The following SAMD5 variants were observed in gnomAD, a reference collection of about 807,000 sequenced individuals.
The protein encoded by SAMD5 is sterile alpha motif domain containing 5, also known as sterile alpha motif domain-containing protein 5.
A neutral mutation model predicts 11.3 loss-of-function variants in SAMD5; 13 were observed. The observed-to-expected ratio is 1.15, with a 90% confidence interval of 0.75 to 1.83. SAMD5 has a LOEUF of 1.83. SAMD5 is among the 40% of genes most tolerant of loss of function. The pLI, the probability that SAMD5 is intolerant of heterozygous loss-of-function variation, is 0.00. For synonymous variants in SAMD5, 129 were observed against 111.3 expected (o/e 1.16, Z -1.00); for missense variants, 255 against 239.1 (o/e 1.07, Z -0.44).
At chr6:147,634,790 A>G (rs1432108223) in intron 1 of SAMD5, among the ~76,000 whole-genome samples, 5 of 152,230 alleles carry the variant, frequency 3.3e-5, no homozygotes, top group Non-Finnish European at 7.3e-5. Flanking sequence ...GGAAAAAATG[A>G]GTTCAGCATC....
At chr6:147,916,917 T>C in the SAMD5 span, among the ~76,000 whole-genome samples, 1 of 150,614 alleles carries the variant, frequency 6.6e-6, no homozygotes, top group Non-Finnish European at 1.5e-5. Flanking sequence ...TAGTATTCCA[T>C]GGTGTATATG....
intron 1 of SAMD5, among the ~76,000 whole-genome samples, chr6:147,729,526 G>A (rs142635377): frequency 7.8e-4 from 118 of 152,118 alleles, no homozygotes; most frequent in Middle Eastern, 3.4e-3. Flanking sequence ...TATGAATCTC[G>A]AAATCTGGAC....
At chr6:147,715,371 C>T (rs1475635273) in intron 1 of SAMD5, among the ~76,000 whole-genome samples, 7 of 152,326 alleles carry the variant, frequency 4.6e-5, no homozygotes, top group Middle Eastern at 3.4e-3. Flanking sequence ...GCATGGGTGC[C>T]GGCTCCCTCT....
intron 1 of SAMD5, among the ~76,000 whole-genome samples, chr6:147,646,809 C>T (rs1285635488): frequency 1.3e-5 from 2 of 151,766 alleles, no homozygotes; most frequent in Admixed American, 1.3e-4. Flanking sequence ...ACACTGTGCT[C>T]TTAAAGCAAG....
chr6:147,666,524 G>GT (rs1044225262), intron 1 of SAMD5, among the ~76,000 whole-genome samples: 30 of 152,034 alleles, frequency 2.0e-4, no homozygotes, highest in African/African-American at 7.2e-4. Flanking sequence ...TCCTTCTCTA[G>GT]TTTCTTAAAC....
intron 1 of SAMD5, among the ~76,000 whole-genome samples, chr6:147,723,316 G>C (rs368111179): frequency 6.6e-6 from 1 of 152,100 alleles, no homozygotes; most frequent in African/African-American, 2.4e-5. Context: ...CAGGATTTTA[G>C]GTCCATGAGC....
chr6:147,625,491 A>G lies in SAMD5; in HGVS notation c.163-111826A>G, dbSNP rs141956193. Reference sequence around the variant, plus strand: ...TTGTTTATTAAAAGAATTGGCTAGGAGTCTGGTTTTTCTAACTTGGAGTTG... The same window carrying G: ...TTGTTTATTAAAAGAATTGGCTAGGGGTCTGGTTTTTCTAACTTGGAGTTG... On this transcript the variant is annotated intron_variant, in intron 1 of 1. Transcript: ENST00000566741. Among the ~76,000 whole-genome samples, 92 of 152,310 alleles carry G rather than the reference A, an allele frequency of 6.0e-4. 1 individual carries two copies. The East Asian group carries it at 0.015, about 25-fold the overall frequency.
rs752623961 is a variant in SAMD5, at chr6:147,546,530, C to CAAAAAA, written c.460-17856_460-17851dup. ...GGGCAACAAGAGCGAAACTCTGTCTCAAAAAAAAAAAAATAGAGTGAGGCC... is the reference window on the plus strand; with the variant it reads ...GGGCAACAAGAGCGAAACTCTGTCTCAAAAAAAAAAAAAAAAAAATAGAGTGAGGCC... On this transcript the variant is annotated intron_variant, in intron 1 of 1. Transcript: ENST00000367474. Among the ~76,000 whole-genome samples the CAAAAAA allele has an allele frequency of 5.8e-4, 65 of 112,182 alleles. 3 individuals are homozygous for CAAAAAA. The highest frequency in any genetic ancestry group is 2.2e-3 in the African/African-American group (61 of 28,094). 73.6% of individuals were successfully genotyped at this position (112,182 alleles called of 152,430 possible). A position where few individuals can be genotyped will look rare whatever the true frequency, so the allele number is the denominator to read the frequency against.
Position 147,567,587 on chromosome 6 carries a change from TA to T in SAMD5, c.*3132del. ...TAAGAGGCTTAAGAGTTCTATGGCT[TA>T]CACCCACATACAGTCCTTGGCTCAG... On this transcript the variant is annotated 3_prime_UTR_variant, in exon 2 of 2. Coordinates refer to ENST00000367474, the MANE Select transcript of SAMD5 (RefSeq NM_001030060.3). The T allele has an allele frequency of 1.1e-6, 1 of 933,060 alleles. No individual in the cohort carries two copies. Among genetic ancestry groups the T allele is most frequent in the Non-Finnish European group, 1.3e-6 (1 of 782,652 alleles). The allele number at this position is 933,060 out of a possible 1,614,324, so 57.8% of individuals were successfully genotyped here.
the SAMD5 span, among the ~76,000 whole-genome samples, chr6:147,760,113 C>T: frequency 6.6e-6 from 1 of 152,040 alleles, no homozygotes; most frequent in Non-Finnish European, 1.5e-5. Flanking sequence ...TGTGGAACTA[C>T]ATAGATGAAT....
intron 1 of SAMD5, among the ~76,000 whole-genome samples, chr6:147,662,465 C>T (rs1439231422): frequency 6.6e-6 from 1 of 152,144 alleles, no homozygotes; most frequent in African/African-American, 2.4e-5. Context: ...GGCTGATTTC[C>T]ATTTCAATAT....
chr6:147,713,669 A>G (rs1425102509), intron 1 of SAMD5, among the ~76,000 whole-genome samples: 1 of 152,150 alleles, frequency 6.6e-6, no homozygotes, highest in Non-Finnish European at 1.5e-5. Flanking sequence ...AGGGTGATAT[A>G]ATATTTGGTG....
chr6:147,803,421 C>G, the SAMD5 span, among the ~76,000 whole-genome samples: 1 of 152,196 alleles, frequency 6.6e-6, no homozygotes, highest in Admixed American at 6.5e-5. Flanking sequence ...GTTCCTGCCT[C>G]TAGTCAGTTC....
chr6:147,877,918 G>C, the SAMD5 span, among the ~76,000 whole-genome samples: 1 of 7,762 alleles, frequency 1.3e-4, no homozygotes, highest in Non-Finnish European at 2.7e-4. Flanking sequence ...TAGCTAGCTA[G>C]CTAGCTAGAT....
At chr6:147,662,121 C>CT (rs1210045738) in intron 1 of SAMD5, among the ~76,000 whole-genome samples, 1 of 152,132 alleles carries the variant, frequency 6.6e-6, no homozygotes, top group Non-Finnish European at 1.5e-5. Flanking sequence ...GAGACTAGGA[C>CT]TAGCAGGGCT....
At chr6:147,739,805 G>A (rs777215084), downstream of SAMD5, among the ~76,000 whole-genome samples, 7 of 151,868 alleles carry the variant, frequency 4.6e-5, no homozygotes, top group Non-Finnish European at 8.8e-5. Flanking sequence ...AATTTTATTT[G>A]TATTTTCTTA....
At chr6:147,710,477 G>A (rs1398229917) in intron 1 of SAMD5, among the ~76,000 whole-genome samples, 1 of 152,108 alleles carries the variant, frequency 6.6e-6, no homozygotes, top group Non-Finnish European at 1.5e-5. Context: ...GATGTGAATC[G>A]TGCCTTTGTC....
At chr6:147,926,843 T>C in the SAMD5 span, among the ~76,000 whole-genome samples, 1 of 152,198 alleles carries the variant, frequency 6.6e-6, no homozygotes, top group Non-Finnish European at 1.5e-5. Flanking sequence ...TTGAGTTGAT[T>C]TTTTTATATG....
At chr6:147,648,835 G>T (rs1790441593) in intron 1 of SAMD5, among the ~76,000 whole-genome samples, 1 of 152,200 alleles carries the variant, frequency 6.6e-6, no homozygotes, top group African/African-American at 2.4e-5. Context: ...TTATGTACCA[G>T]TTAAAAGGCA....
Sources: gnomAD v4.1 joint callset for allele counts (sites outside exome capture counted in the v4.1 genomes callset) on GRCh38, gnomAD v4.1.1 for gene constraint, MANE v1.5 for transcripts, NCBI Gene and HGNC (gene_info 2026-07-23, HGNC 2026-07-21) for gene names.